Variants in ROBO2 observed in about 807,000 individuals in gnomAD.
ROBO2 encodes roundabout homolog 2.
A neutral mutation model predicts 160.8 loss-of-function variants in ROBO2; 53 were observed. The observed-to-expected ratio is 0.33, with a 90% confidence interval of 0.26 to 0.41. ROBO2 has a LOEUF of 0.41. Among genes scored for constraint, ROBO2 ranks in the 10% least tolerant of loss-of-function variants. The pLI, the probability that ROBO2 is intolerant of heterozygous loss-of-function variation, is 1.00. For synonymous variants in ROBO2, 664 were observed against 611.7 expected (o/e 1.09, Z -1.26); for missense variants, 1,577 against 1,722.4 (o/e 0.92, Z 1.49).
chr3:76,296,072 T>C (rs1407665552), intron 2 of ROBO2, among the ~76,000 whole-genome samples: 4 of 152,332 alleles, frequency 2.6e-5, no homozygotes, highest in Non-Finnish European at 5.9e-5. Flanking sequence ...AGGATAGTTA[T>C]GTTGAATCAT....
At chr3:77,602,282 G>C (rs1318322238) in exon 20 of ROBO2, 1 of 1,613,994 alleles carries the variant, frequency 6.2e-7, no homozygotes, top group Admixed American at 1.7e-5. Context: ...ATTTATAGTA[G>C]CATTGACTTC....
intron 2 of ROBO2, among the ~76,000 whole-genome samples, chr3:76,582,414 T>C (rs2085759208): frequency 1.3e-5 from 2 of 152,196 alleles, no homozygotes; most frequent in African/African-American, 2.4e-5. Flanking sequence ...GCTGTTTCTC[T>C]TTGTGAAACA....
At chr3:77,322,249 C>A (rs1023797101) in intron 2 of ROBO2, among the ~76,000 whole-genome samples, 2 of 152,092 alleles carry the variant, frequency 1.3e-5, no homozygotes, top group African/African-American at 4.8e-5. Flanking sequence ...TCTTTGACTT[C>A]CTACCAAACA....
intron 2 of ROBO2, among the ~76,000 whole-genome samples, chr3:76,775,321 A>T (rs1279959317): frequency 6.6e-6 from 1 of 150,764 alleles, no homozygotes; most frequent in Admixed American, 6.6e-5. Context: ...TTGATTTCAA[A>T]ACTCTTCAAA....
intron 2 of ROBO2, among the ~76,000 whole-genome samples, chr3:77,389,791 A>G (rs2153498722): frequency 6.6e-6 from 1 of 152,118 alleles, no homozygotes; most frequent in South Asian, 2.1e-4. Flanking sequence ...CAAGACCATG[A>G]CATTGGCTCA....
chr3:76,636,163 C>G (rs2090321061), intron 2 of ROBO2, among the ~76,000 whole-genome samples: 1 of 152,160 alleles, frequency 6.6e-6, no homozygotes, highest in South Asian at 2.1e-4. Context: ...TTCTCTCCTA[C>G]TAAACGTTAG....
chr3:76,080,256 G>C (rs1400975711), intron 2 of ROBO2, among the ~76,000 whole-genome samples: 1 of 152,094 alleles, frequency 6.6e-6, no homozygotes, highest in African/African-American at 2.4e-5. Context: ...CAGAAAAATC[G>C]GTTCTATTTT....
At chr3:77,077,967 G>GC (rs983351943) in intron 1 of ROBO2, among the ~76,000 whole-genome samples, 5 of 152,090 alleles carry the variant, frequency 3.3e-5, no homozygotes, top group East Asian at 1.9e-4. Context: ...ACTCAAGTCT[G>GC]CCCCCCAGCA....
At chr3:76,886,599 A>G (rs996473884) in intron 2 of ROBO2, among the ~76,000 whole-genome samples, 2 of 152,252 alleles carry the variant, frequency 1.3e-5, no homozygotes, top group Admixed American at 1.3e-4. Context: ...CAGGGAAAGC[A>G]TAATGTGATT....
intron 2 of ROBO2, among the ~76,000 whole-genome samples, chr3:76,308,689 G>C (rs2071435998): frequency 6.6e-6 from 1 of 151,916 alleles, no homozygotes; most frequent in African/African-American, 2.4e-5. Context: ...CTCTCTTCTG[G>C]TATGCAGAAA....
At position 77,107,278 on chromosome 3, in the gene ROBO2, G is replaced by C. The variant is rs1243271813; in HGVS notation, c.388+8938G>C. Reference sequence around the variant, plus strand: ...ATGTGAATTTTGGGGGGATATAAACGTTCTGACCACAGCTCTGGCCTTTGG... The same window carrying C: ...ATGTGAATTTTGGGGGGATATAAACCTTCTGACCACAGCTCTGGCCTTTGG... On this transcript the variant is annotated intron_variant, in intron 2 of 25. Coordinates refer to ENST00000461745, the Ensembl canonical transcript of ROBO2. Among the ~76,000 whole-genome samples, 3 of 152,090 alleles carry C rather than the reference G, an allele frequency of 2.0e-5. No homozygotes were observed. The South Asian group carries it at 6.2e-4, about 31-fold the overall frequency.
intron 2 of ROBO2, among the ~76,000 whole-genome samples, chr3:77,311,952 G>T (rs976102631): frequency 6.6e-6 from 1 of 151,938 alleles, no homozygotes; most frequent in Non-Finnish European, 1.5e-5. Flanking sequence ...TGGATGTGAC[G>T]GTGCATACCT....
At chr3:77,580,809 A>G (rs2093899004) in intron 16 of ROBO2, among the ~76,000 whole-genome samples, 1 of 152,114 alleles carries the variant, frequency 6.6e-6, no homozygotes, top group Admixed American at 6.6e-5. Context: ...TTTTCACCTG[A>G]CAGAATGAAT....
chr3:75,979,427 C>T (rs1329065211), intron 2 of ROBO2, among the ~76,000 whole-genome samples: 1 of 151,322 alleles, frequency 6.6e-6, no homozygotes, highest in African/African-American at 2.4e-5. Context: ...AGAATAGGAT[C>T]AGCCCAAGTG....
chr3:77,007,991 T>C (rs2061671631), intron 2 of ROBO2, among the ~76,000 whole-genome samples: 1 of 152,030 alleles, frequency 6.6e-6, no homozygotes, highest in African/African-American at 2.4e-5. Flanking sequence ...TCAGAATATA[T>C]AGTTATTGTG....
intron 2 of ROBO2, among the ~76,000 whole-genome samples, chr3:77,314,852 G>C (rs1245218856): frequency 6.6e-6 from 1 of 152,156 alleles, no homozygotes; most frequent in African/African-American, 2.4e-5. Context: ...GGGAATGTGG[G>C]TAGGGTTTGT....
At chr3:76,141,198 G>GATAT (rs199559599) in intron 2 of ROBO2, among the ~76,000 whole-genome samples, 13 of 71,672 alleles carry the variant, frequency 1.8e-4, no homozygotes, top group Admixed American at 8.3e-4. Flanking sequence ...TTTAATGTCT[G>GATAT]ATATATATAT....
intron 2 of ROBO2, among the ~76,000 whole-genome samples, chr3:76,855,469 C>A (rs183737836): frequency 2.0e-5 from 3 of 152,124 alleles, no homozygotes; most frequent in Non-Finnish European, 4.4e-5. Context: ...TTGCAATCTG[C>A]GTGTATAAAA....
At chr3:76,694,696 A>G (rs987077106) in intron 2 of ROBO2, among the ~76,000 whole-genome samples, 1 of 152,164 alleles carries the variant, frequency 6.6e-6, no homozygotes, top group Non-Finnish European at 1.5e-5. Flanking sequence ...ATAAACTTCT[A>G]ATATATGCAA....
Sources: gnomAD v4.1 joint callset for allele counts (sites outside exome capture counted in the v4.1 genomes callset) on GRCh38, gnomAD v4.1.1 for gene constraint, MANE v1.5 for transcripts, NCBI Gene and HGNC (gene_info 2026-07-23, HGNC 2026-07-21) for gene names.